CCSER1: variants seen among roughly 807,000 people sequenced by gnomAD.
CCSER1 encodes serine-rich coiled-coil domain-containing protein 1.
In CCSER1, 41 loss-of-function variants were observed where a neutral mutation model predicts 82.0. That is an observed-to-expected ratio of 0.50 (90% CI 0.39 to 0.65). The LOEUF (loss-of-function observed/expected upper bound fraction) is 0.65. Ranked by LOEUF, CCSER1 falls within the 30% of genes least tolerant of loss-of-function variation. The pLI is 0.00. For missense variants in CCSER1, 1,119 were observed against 1,064.2 expected (o/e 1.05, Z -0.72); for synonymous variants, 414 against 383.9 (o/e 1.08, Z -0.92).
chr4:90,988,618 G>A (rs1057374171), intron 9 of CCSER1, among the ~76,000 whole-genome samples: 3 of 151,572 alleles, frequency 2.0e-5, no homozygotes, highest in Admixed American at 1.3e-4. Flanking sequence ...TATGGGAGGG[G>A]TTCCACTAAT....
intron 1 of CCSER1, among the ~76,000 whole-genome samples, chr4:90,211,897 A>C (rs1740080873): frequency 6.6e-6 from 1 of 152,192 alleles, no homozygotes; most frequent in Non-Finnish European, 1.5e-5. Flanking sequence ...GAAAATAACA[A>C]ATAATCTTAA....
intron 3 of CCSER1, among the ~76,000 whole-genome samples, chr4:90,346,707 T>G (rs1472621492): frequency 1.3e-5 from 2 of 152,152 alleles, no homozygotes; most frequent in East Asian, 1.9e-4. Flanking sequence ...ACATAAATAA[T>G]GTATTACAAT....
At chr4:91,195,869 C>G (rs1735364298) in intron 10 of CCSER1, among the ~76,000 whole-genome samples, 1 of 152,046 alleles carries the variant, frequency 6.6e-6, no homozygotes, top group South Asian at 2.1e-4. Flanking sequence ...CACACCGTTC[C>G]CTTTCTTACA....
intron 1 of CCSER1, among the ~76,000 whole-genome samples, chr4:90,217,327 G>A (rs1231099457): frequency 1.3e-5 from 2 of 152,122 alleles, no homozygotes; most frequent in Non-Finnish European, 2.9e-5. Flanking sequence ...CTCCTGAGTA[G>A]CTGGAATTAC....
intron 7 of CCSER1, among the ~76,000 whole-genome samples, chr4:90,785,206 T>G (rs938978132): frequency 1.3e-5 from 2 of 152,020 alleles, no homozygotes; most frequent in African/African-American, 4.8e-5. Flanking sequence ...CCAGCTAATT[T>G]TTGTATTTTT....
At chr4:90,204,828 TG>T (rs1738478665) in intron 1 of CCSER1, among the ~76,000 whole-genome samples, 1 of 152,226 alleles carries the variant, frequency 6.6e-6, no homozygotes, top group South Asian at 2.1e-4. Flanking sequence ...TCCATGAGCA[TG>T]GGATGTTTTT....
intron 10 of CCSER1, among the ~76,000 whole-genome samples, chr4:91,530,916 A>G (rs1236001784): frequency 2.0e-5 from 3 of 151,908 alleles, no homozygotes. Context: ...CAAACTCCTG[A>G]CCTCAGGTGA....
intron 6 of CCSER1, among the ~76,000 whole-genome samples, chr4:90,722,919 C>T (rs926824786): frequency 3.3e-5 from 5 of 151,914 alleles, no homozygotes; most frequent in African/African-American, 9.7e-5. Flanking sequence ...GCTTTGAATG[C>T]GTTCTTTTGT....
At chr4:90,460,324 C>CAAAAAAAAAAAAAAAAAAAAAAAAAAA (rs751331396) in intron 4 of CCSER1, among the ~76,000 whole-genome samples, 1 of 32,644 alleles carries the variant, frequency 3.1e-5, no homozygotes, top group Admixed American at 3.0e-4. Flanking sequence ...AACTCCGTCT[C>CAAAAAAAAAAAAAAAAAAAAAAAAAAA]AAAAAAAAAA....
At chr4:91,211,601 G>A (rs1736829666) in intron 10 of CCSER1, among the ~76,000 whole-genome samples, 1 of 152,082 alleles carries the variant, frequency 6.6e-6, no homozygotes, top group Non-Finnish European at 1.5e-5. Context: ...CAGTACGCAT[G>A]TGGGAAGCAA....
At chr4:91,366,122 G>A (rs1403370310) in intron 10 of CCSER1, among the ~76,000 whole-genome samples, 2 of 152,098 alleles carry the variant, frequency 1.3e-5, no homozygotes, top group African/African-American at 4.8e-5. Flanking sequence ...AGGTTCAAGT[G>A]AGTCTCCTGA....
chr4:90,419,109 G>A (rs1756272789), intron 4 of CCSER1, among the ~76,000 whole-genome samples: 1 of 151,998 alleles, frequency 6.6e-6, no homozygotes, highest in South Asian at 2.1e-4. Flanking sequence ...ATGATGTTTA[G>A]TTACTAGAAG....
chr4:90,210,534 C>A (rs1173382611), intron 1 of CCSER1, among the ~76,000 whole-genome samples: 1 of 151,328 alleles, frequency 6.6e-6, no homozygotes, highest in Non-Finnish European at 1.5e-5. Context: ...GCCTCAACCT[C>A]TGGGGCTCAA....
At chr4:90,420,713 T>C (rs1045346871) in intron 4 of CCSER1, among the ~76,000 whole-genome samples, 1 of 152,078 alleles carries the variant, frequency 6.6e-6, no homozygotes, top group Non-Finnish European at 1.5e-5. Context: ...TAGTATTAAA[T>C]AACAACAATT....
chr4:91,357,423 T>C (rs528231708), intron 10 of CCSER1, among the ~76,000 whole-genome samples: 1 of 152,330 alleles, frequency 6.6e-6, no homozygotes, highest in East Asian at 1.9e-4. Context: ...GCATTTTTAC[T>C]TTAATGTCCA....
chr4:90,433,361 C>T (rs1212453400), intron 4 of CCSER1, among the ~76,000 whole-genome samples: 1 of 152,014 alleles, frequency 6.6e-6, no homozygotes, highest in African/African-American at 2.4e-5. Context: ...GATAAAATTG[C>T]TCATTATTGA....
chr4:90,628,055 T>C lies in CCSER1; in HGVS notation c.1755T>C (p.Val585=), dbSNP rs1363430874. The change falls in exon 6 of 11, where the codon GTT becomes GTC. Residue 585 remains valine, a synonymous_variant. Transcript: ENST00000509176. ...TTTCCCTGAAATTAACAAAGGACGTTGATCAAGAAGCCAGGTGTTCCCACA... is the reference window on the plus strand; with the variant it reads ...TTTCCCTGAAATTAACAAAGGACGTCGATCAAGAAGCCAGGTGTTCCCACA... ...QNLSLKLTKD[V]DQEARCSHIS... is the part of the protein sequence containing the mutation. 6.2e-7 allele frequency: 1 copy of C among 1,613,622 alleles called. No homozygotes were observed.
At chr4:91,053,447 G>A (rs779230897) in intron 9 of CCSER1, among the ~76,000 whole-genome samples, 1 of 152,112 alleles carries the variant, frequency 6.6e-6, no homozygotes, top group Non-Finnish European at 1.5e-5. Context: ...AGTATTCCTG[G>A]CTGGTCCTAG....
intron 10 of CCSER1, among the ~76,000 whole-genome samples, chr4:91,491,739 C>A (rs1019227326): frequency 3.3e-5 from 5 of 151,876 alleles, no homozygotes; most frequent in Non-Finnish European, 7.4e-5. Flanking sequence ...ATATTTTTTC[C>A]TATTATTAAA....
Sources: allele counts gnomAD v4.1 joint callset (sites outside exome capture counted in the v4.1 genomes callset), GRCh38; gene constraint gnomAD v4.1.1; transcripts MANE v1.5; gene names NCBI Gene and HGNC (gene_info 2026-07-23, HGNC 2026-07-21).